The following ACAP2 variants were observed in gnomAD, a reference collection of about 807,000 sequenced individuals.
ACAP2 encodes the protein ArfGAP with coiled-coil, ankyrin repeat and PH domains 2.
Under a neutral mutation model 115.8 loss-of-function variants are expected in ACAP2, and 39 were observed. The ratio of observed to expected loss-of-function variants is 0.34; its 90% CI spans 0.26 to 0.44. The LOEUF (loss-of-function observed/expected upper bound fraction) is 0.44. Ranked by LOEUF, ACAP2 falls within the 20% of genes least tolerant of loss-of-function variation. The pLI, the probability that ACAP2 is intolerant of heterozygous loss-of-function variation, is 1.00. For missense variants in ACAP2, 662 were observed against 927.6 expected (o/e 0.71, Z 3.72); for synonymous variants, 289 against 315.8 (o/e 0.92, Z 0.90).
intron 1 of ACAP2, among the ~76,000 whole-genome samples, chr3:195,417,989 C>T (rs1349905321): frequency 6.6e-6 from 1 of 151,742 alleles, no homozygotes; most frequent in Non-Finnish European, 1.5e-5. Context: ...TTTTCTATGG[C>T]ACTCCACTAT....
intron 15 of ACAP2, among the ~76,000 whole-genome samples, chr3:195,298,252 CTTTT>C (rs33951107): frequency 3.5e-4 from 39 of 109,924 alleles, no homozygotes; most frequent in South Asian, 1.2e-3. Context: ...TTTCTCTCCT[CTTTT>C]TTTTTTTTTT....
chr3:195,408,420 T>C (rs1712971926), intron 1 of ACAP2, among the ~76,000 whole-genome samples: 2 of 152,096 alleles, frequency 1.3e-5, no homozygotes, highest in Admixed American at 1.3e-4. Flanking sequence ...GTAGAGATTA[T>C]GCCACTGGAC....
chr3:195,311,005 T>C (rs1728727872), intron 10 of ACAP2, among the ~76,000 whole-genome samples: 1 of 152,000 alleles, frequency 6.6e-6, no homozygotes, highest in Admixed American at 6.5e-5. Flanking sequence ...ACCAAAACTT[T>C]AATCAGTTAA....
intron 1 of ACAP2, among the ~76,000 whole-genome samples, chr3:195,439,873 G>A (rs1339695933): frequency 6.6e-6 from 1 of 151,876 alleles, no homozygotes; most frequent in Non-Finnish European, 1.5e-5. Flanking sequence ...GTGATCCGCC[G>A]TCCTCCACCT....
chr3:195,421,430 C>T (rs1714181303), intron 1 of ACAP2, among the ~76,000 whole-genome samples: 1 of 152,222 alleles, frequency 6.6e-6, no homozygotes, highest in Non-Finnish European at 1.5e-5. Flanking sequence ...TAGGATCAAA[C>T]TCTACCTTCA....
chr3:195,440,437 G>A (rs998923803), intron 1 of ACAP2, among the ~76,000 whole-genome samples: 1 of 152,286 alleles, frequency 6.6e-6, no homozygotes, highest in South Asian at 2.1e-4. Flanking sequence ...TGTGCCTTTT[G>A]CATTAATTCT....
chr3:195,400,010 C>G (rs1000328748), intron 1 of ACAP2, among the ~76,000 whole-genome samples: 1 of 151,744 alleles, frequency 6.6e-6, no homozygotes, highest in African/African-American at 2.4e-5. Flanking sequence ...GAAACCCTGT[C>G]TCTACTAAAA....
At chr3:195,371,570 GGC>G (rs1733146128) in intron 4 of ACAP2, among the ~76,000 whole-genome samples, 1 of 152,044 alleles carries the variant, frequency 6.6e-6, no homozygotes, top group African/African-American at 2.4e-5. Flanking sequence ...TGACTGCTCT[GGC>G]CAGGACTTCC....
Position 195,295,448 on chromosome 3 carries a change from G to A in ACAP2, c.1672+260C>T, listed in dbSNP as rs1057378686. ...ATACTTAGGGCTTTTGAAATGTCAG[G>A]TTTATAATTCCCATCTCCCCTTGCA... On this transcript the variant is annotated intron_variant, in intron 17 of 22. Transcript: ENST00000326793. 1.1e-5 allele frequency: 6 copies of A among 550,226 alleles called. No individual in the cohort carries two copies. In the Admixed American group the frequency reaches 2.0e-4, roughly 18 times the overall value. 34.1% of individuals were successfully genotyped at this position (550,226 alleles called of 1,614,324 possible).
At chr3:195,396,695 G>A (rs1041138900) in intron 1 of ACAP2, among the ~76,000 whole-genome samples, 32 of 146,154 alleles carry the variant, frequency 2.2e-4, no homozygotes, top group African/African-American at 7.1e-4. Flanking sequence ...GCTGAGGCAG[G>A]AGAATTGCTT....
Position 195,276,208 on chromosome 3 carries a change from C to T in ACAP2, c.*3120G>A, listed in dbSNP as rs529389502. ...TACTTTTTTTCTTTTTCAAAATGCA[C>T]TCATGAAGAACCAAAGTTCATATTC... is the stretch of plus-strand genomic sequence containing the variant. On this transcript the variant is annotated 3_prime_UTR_variant, in exon 23 of 23. Transcript: ENST00000326793. 1.3e-5 allele frequency: 2 copies of T among 152,444 alleles called. No homozygotes were observed. The highest frequency in any genetic ancestry group is 2.1e-4 in the South Asian group (1 of 4,828). The allele number at this position is 152,444 out of a possible 1,614,324, so 9.4% of individuals were successfully genotyped here. A position where few individuals can be genotyped will look rare whatever the true frequency, so the allele number is the denominator to read the frequency against.
intron 22 of ACAP2, chr3:195,280,770 A>G (rs565218701): frequency 6.6e-6 from 1 of 152,376 alleles, no homozygotes; most frequent in African/African-American, 2.4e-5. Context: ...TATTTTCAAG[A>G]TAAATCGTTG....
intron 2 of ACAP2, among the ~76,000 whole-genome samples, chr3:195,390,025 G>A (rs1180991494): frequency 2.6e-5 from 4 of 152,154 alleles, no homozygotes; most frequent in South Asian, 2.1e-4. Flanking sequence ...GTGAAATCCC[G>A]TCTCTACTAA....
intron 1 of ACAP2, among the ~76,000 whole-genome samples, chr3:195,407,343 T>C (rs1197607677): frequency 6.6e-6 from 1 of 151,294 alleles, no homozygotes; most frequent in Non-Finnish European, 1.5e-5. Context: ...ACAAAAAAAG[T>C]TTGAGTTATT....
chr3:195,368,854 C>T (rs1215853152), intron 4 of ACAP2, among the ~76,000 whole-genome samples: 3 of 152,136 alleles, frequency 2.0e-5, no homozygotes, highest in Non-Finnish European at 4.4e-5. Flanking sequence ...GAGGCCAAGG[C>T]GGGTGAATCA....
rs149551588 is a variant in ACAP2, at chr3:195,421,723, C to T, written c.53+21072G>A. 3.7e-4 allele frequency among the ~76,000 whole-genome samples: 57 copies of T among 152,308 alleles called. No individual in the cohort carries two copies. In the East Asian group the frequency reaches 0.01, roughly 28 times the overall value. The stretch of plus-strand genomic sequence containing the variant: ...AATTTGTACGGAAGTTTTCTATTGT[C>T]ACAGTTAGTTTTCTTCCATACCTAA... On this transcript the variant is annotated intron_variant, in intron 1 of 22. Transcript: ENST00000326793.
intron 4 of ACAP2, among the ~76,000 whole-genome samples, chr3:195,375,818 G>A (rs1401216417): frequency 6.6e-6 from 1 of 150,862 alleles, no homozygotes; most frequent in East Asian, 1.9e-4. Context: ...AAAAATGATA[G>A]ACAGACAACA....
At chr3:195,305,065 G>A (rs1728333646) in intron 13 of ACAP2, among the ~76,000 whole-genome samples, 1 of 152,096 alleles carries the variant, frequency 6.6e-6, no homozygotes, top group African/African-American at 2.4e-5. Flanking sequence ...ATGCAATGAT[G>A]GTTAAGATCC....
chr3:195,297,028 T>C (rs972606954), intron 16 of ACAP2, among the ~76,000 whole-genome samples, 162 bp downstream of exon 16: 4 of 152,168 alleles, frequency 2.6e-5, no homozygotes, highest in Admixed American at 6.5e-5. Context: ...TACAATATAA[T>C]TATCTAATTA....
Sources: allele counts gnomAD v4.1 joint callset (sites outside exome capture counted in the v4.1 genomes callset), GRCh38; gene constraint gnomAD v4.1.1; transcripts MANE v1.5; gene names NCBI Gene and HGNC (gene_info 2026-07-23, HGNC 2026-07-21).